CIB1: variants seen among roughly 807,000 people sequenced by gnomAD.
CIB1 encodes calcium and integrin binding 1, also known as calcium and integrin-binding protein 1.
Under a neutral mutation model 25.0 loss-of-function variants are expected in CIB1, and 19 were observed. The ratio of observed to expected loss-of-function variants is 0.76; its 90% CI spans 0.53 to 1.12. The LOEUF is 1.12. Among genes scored for constraint, CIB1 ranks in the 50% most tolerant of loss-of-function variants. The probability of loss-of-function intolerance (pLI) is 0.00; values close to 1 mark genes in which losing one functional copy is unlikely to be tolerated. For synonymous variants in CIB1, 104 were observed against 98.5 expected (o/e 1.06, Z -0.33); for missense variants, 236 against 242.6 (o/e 0.97, Z 0.18).
the CIB1 span, chr15:90,251,683 C>A: frequency 6.8e-7 from 1 of 1,469,348 alleles, no homozygotes; most frequent in Non-Finnish European, 9.5e-7. Flanking sequence ...CCCGATCAGG[C>A]TTCCAGCCCC....
the CIB1 span, chr15:90,262,491 G>C: frequency 6.8e-7 from 1 of 1,478,564 alleles, no homozygotes; most frequent in Non-Finnish European, 8.9e-7. Flanking sequence ...TGTCTTGTCA[G>C]GCAGCAACTA....
the CIB1 span, chr15:90,262,653 G>A: frequency 2.1e-5 from 31 of 1,492,556 alleles, no homozygotes; most frequent in Admixed American, 5.1e-5. Context: ...TACAGGAACC[G>A]CAACTGGGAG....
At chr15:90,238,860 G>A (rs1237642512), upstream of CIB1, among the ~76,000 whole-genome samples, 1 of 152,150 alleles carries the variant, frequency 6.6e-6, no homozygotes, top group Non-Finnish European at 1.5e-5. Flanking sequence ...TTGATGGTGT[G>A]TATAAAAAAT....
chr15:90,258,260 G>A, the CIB1 span: 1 of 1,614,118 alleles, frequency 6.2e-7, no homozygotes, highest in Non-Finnish European at 8.5e-7. Context: ...TGAAGCCCTG[G>A]CTGCTAGAGG....
the CIB1 span, among the ~76,000 whole-genome samples, chr15:90,261,430 T>G: frequency 3.9e-5 from 6 of 151,900 alleles, no homozygotes; most frequent in African/African-American, 1.5e-4. Flanking sequence ...ATATGTTACT[T>G]TTACAATCAG....
upstream of CIB1, among the ~76,000 whole-genome samples, chr15:90,235,320 C>T (rs1320494963): frequency 6.6e-6 from 1 of 152,174 alleles, no homozygotes; most frequent in African/African-American, 2.4e-5. Flanking sequence ...AATCTCAGCA[C>T]TTTGGGAGGC....
At chr15:90,230,822 G>T (rs1196426701) in intron 6 of CIB1, 112 bp downstream of exon 6, 2 of 995,378 alleles carry the variant, frequency 2.0e-6, no homozygotes, top group Non-Finnish European at 3.2e-6. Flanking sequence ...CTGTGTGTGG[G>T]GACTGGGGCT....
At chr15:90,250,504 C>A in the CIB1 span, 6 of 1,216,044 alleles carry the variant, frequency 4.9e-6, no homozygotes, top group Non-Finnish European at 6.8e-6. Flanking sequence ...GAAGGGGCAG[C>A]AACTTTCCCT....
the CIB1 span, chr15:90,257,331 G>A: frequency 6.4e-7 from 1 of 1,571,204 alleles, no homozygotes; most frequent in Non-Finnish European, 8.6e-7. Context: ...AAGTGCTGAG[G>A]TTCTCTAGAG....
At chr15:90,244,803 TG>T in the CIB1 span, 1 of 151,974 alleles carries the variant, frequency 6.6e-6, no homozygotes, top group Non-Finnish European at 1.5e-5. Context: ...TGGGCGATAG[TG>T]CGAGACTCAG....
At chr15:90,252,175 G>A in the CIB1 span, among the ~76,000 whole-genome samples, 2 of 151,758 alleles carry the variant, frequency 1.3e-5, no homozygotes. Flanking sequence ...AAATAGCTGG[G>A]ATTACAGGCA....
the CIB1 span, chr15:90,262,602 G>T: frequency 5.2e-6 from 8 of 1,533,494 alleles, no homozygotes; most frequent in Non-Finnish European, 7.0e-6. Flanking sequence ...GAGAAAAGCC[G>T]ACCCAGGGCA....
the CIB1 span, among the ~76,000 whole-genome samples, chr15:90,264,229 T>A: frequency 6.6e-6 from 1 of 152,192 alleles, no homozygotes; most frequent in African/African-American, 2.4e-5. Context: ...TCACGCTCTG[T>A]CGCCAAGGCT....
At chr15:90,259,799 G>A in the CIB1 span, among the ~76,000 whole-genome samples, 1 of 152,230 alleles carries the variant, frequency 6.6e-6, no homozygotes, top group East Asian at 1.9e-4. Flanking sequence ...TTACATCCGT[G>A]TTGGTCACCC....
intron 6 of CIB1, 40 bp downstream of exon 6, chr15:90,230,894 A>G: frequency 1.3e-6 from 2 of 1,492,334 alleles, no homozygotes; most frequent in African/African-American, 1.4e-5. Context: ...GCAGGTCGGA[A>G]CCTGCAGGTA....
At chr15:90,250,985 T>G in the CIB1 span, 1 of 1,462,846 alleles carries the variant, frequency 6.8e-7, no homozygotes, top group Non-Finnish European at 9.2e-7. Flanking sequence ...AGATCTTCCC[T>G]TTAGCCTACA....
chr15:90,247,614 G>T, the CIB1 span, among the ~76,000 whole-genome samples: 1 of 151,484 alleles, frequency 6.6e-6, no homozygotes, highest in African/African-American at 2.4e-5. Context: ...ATGACCTCTG[G>T]TTTCACATTG....
Position 90,233,877 on chromosome 15 carries a change from G to A in CIB1, c.9C>T (p.Gly3=). Residue 3 remains glycine (G), a synonymous_variant, in exon 1 of 7, where the codon GGC becomes GGT. Coordinates refer to ENST00000328649, the MANE Select transcript of CIB1 (RefSeq NM_006384.4). ...GCTCCTTGGACAGGCGACTGCCCGA[G>A]CCCCCCATCGCCCCGCCGCGCGCAC... MG[G]SGSRLSKELL... 4.7e-6 allele frequency: 7 copies of A among 1,473,870 alleles called. No individual in the cohort carries two copies. Among genetic ancestry groups the A allele is most frequent in the South Asian group, 2.8e-5 (2 of 72,652 alleles). The allele number at this position is 1,473,870 out of a possible 1,614,324, so 91.3% of individuals were successfully genotyped here. A position where few individuals can be genotyped will look rare whatever the true frequency, so the allele number is the denominator to read the frequency against.
chr15:90,240,820 AAAAAT>A, the CIB1 span: 2 of 958,826 alleles, frequency 2.1e-6, no homozygotes, highest in South Asian at 1.7e-5. Flanking sequence ...TCTCAAAAAA[AAAAAT>A]AAATAAATAA....
Sources: gnomAD v4.1 joint callset for allele counts (sites outside exome capture counted in the v4.1 genomes callset) on GRCh38, gnomAD v4.1.1 for gene constraint, MANE v1.5 for transcripts, NCBI Gene and HGNC (gene_info 2026-07-23, HGNC 2026-07-21) for gene names.